LINGO2: variants seen among roughly 807,000 people sequenced by gnomAD.
LINGO2 encodes the protein leucine-rich repeat and immunoglobulin-like domain-containing nogo receptor-interacting protein 2.
A neutral mutation model predicts 30.6 loss-of-function variants in LINGO2; 14 were observed. The observed-to-expected ratio is 0.46, with a 90% CI of 0.30 to 0.72. The LOEUF is 0.72. LINGO2 is among the 30% of genes least tolerant of loss of function. LINGO2 has a pLI of 0.07. For synonymous variants in LINGO2, 317 were observed against 288.5 expected (o/e 1.10, Z -1.00); for missense variants, 729 against 751.7 (o/e 0.97, Z 0.35).
the LINGO2 span, among the ~76,000 whole-genome samples, chr9:29,167,565 T>C: frequency 1.3e-5 from 2 of 152,142 alleles, no homozygotes; most frequent in African/African-American, 4.8e-5. Context: ...AGAGAGACTA[T>C]ACACAAAACC....
At chr9:28,032,037 G>C (rs1317372375) in intron 4 of LINGO2, among the ~76,000 whole-genome samples, 3 of 142,092 alleles carry the variant, frequency 2.1e-5, no homozygotes, top group Non-Finnish European at 4.6e-5. Flanking sequence ...CTCAAAATGA[G>C]GGGTGGGGGG....
At chr9:28,650,756 A>T (rs1314867406) in intron 1 of LINGO2, among the ~76,000 whole-genome samples, 1 of 152,220 alleles carries the variant, frequency 6.6e-6, no homozygotes, top group Non-Finnish European at 1.5e-5. Flanking sequence ...TATATGTTTT[A>T]TAAATAGGAC....
chr9:28,997,796 C>A, the LINGO2 span, among the ~76,000 whole-genome samples: 5 of 151,602 alleles, frequency 3.3e-5, no homozygotes, highest in African/African-American at 1.2e-4. Flanking sequence ...GCACTCCAGC[C>A]TGGGCAACAG....
the LINGO2 span, among the ~76,000 whole-genome samples, chr9:28,703,945 T>G: frequency 6.6e-6 from 1 of 151,996 alleles, no homozygotes; most frequent in Non-Finnish European, 1.5e-5. Context: ...TTTGATAATT[T>G]TTGGATACAT....
chr9:29,080,141 AG>A, the LINGO2 span, among the ~76,000 whole-genome samples: 1 of 152,100 alleles, frequency 6.6e-6, no homozygotes, highest in African/African-American at 2.4e-5. Context: ...TGGTCTACTC[AG>A]GGATTCAACT....
At chr9:28,249,726 C>A (rs541924283) in intron 4 of LINGO2, among the ~76,000 whole-genome samples, 1 of 152,244 alleles carries the variant, frequency 6.6e-6, no homozygotes, top group South Asian at 2.1e-4. Flanking sequence ...TTTTTACTTA[C>A]TGTTCTCATT....
At chr9:28,557,663 C>G (rs373611699) in intron 1 of LINGO2, among the ~76,000 whole-genome samples, 1 of 151,486 alleles carries the variant, frequency 6.6e-6, no homozygotes, top group Non-Finnish European at 1.5e-5. Flanking sequence ...ACCCAAAGGA[C>G]TATAAATCAT....
intron 2 of LINGO2, among the ~76,000 whole-genome samples, chr9:28,433,730 GA>G (rs1280381002): frequency 6.6e-6 from 1 of 151,898 alleles, no homozygotes; most frequent in African/African-American, 2.4e-5. Flanking sequence ...ATTCCTTAAA[GA>G]GCTGAAAGTG....
At chr9:29,100,607 C>G in the LINGO2 span, among the ~76,000 whole-genome samples, 35,588 of 150,072 alleles carry the variant, frequency 0.24, 4,304 homozygotes, top group East Asian at 0.4. Flanking sequence ...AAAAAAAAAG[C>G]TACAAAAAAT....
chr9:27,949,475 A>G (rs1047911784), exon 6 of LINGO2: 3 of 1,613,998 alleles, frequency 1.9e-6, no homozygotes, highest in African/African-American at 2.7e-5. Context: ...AAGAAAGGGC[A>G]GTGCTATGGA....
At chr9:28,598,476 T>TG (rs34469528) in intron 1 of LINGO2, among the ~76,000 whole-genome samples, 59,428 of 149,512 alleles carry the variant, frequency 0.4, 12,519 homozygotes, top group African/African-American at 0.53. Flanking sequence ...AATAATGATC[T>TG]GCTTATTTTA....
chr9:28,104,491 A>C (rs896580), intron 4 of LINGO2, among the ~76,000 whole-genome samples: 151,717 of 151,964 alleles, frequency 1, 75,737 homozygotes, highest in Middle Eastern at 1. Context: ...GCGCAAACCT[A>C]ATTCTCATTC....
At chr9:27,950,092 T>C (rs1197531807) in exon 6 of LINGO2, 3 of 1,613,958 alleles carry the variant, frequency 1.9e-6, no homozygotes, top group Middle Eastern at 1.6e-4. Context: ...AGGGCTTCTG[T>C]TGGTACTGCT....
chr9:29,206,334 T>C, the LINGO2 span, among the ~76,000 whole-genome samples: 1 of 152,172 alleles, frequency 6.6e-6, no homozygotes, highest in Non-Finnish European at 1.5e-5. Context: ...TTAAATTGCA[T>C]GTTAGATGAG....
intron 4 of LINGO2, among the ~76,000 whole-genome samples, chr9:28,219,738 G>A (rs1397848679): frequency 2.0e-5 from 3 of 152,136 alleles, no homozygotes; most frequent in Non-Finnish European, 2.9e-5. Context: ...TACAAAGTAT[G>A]TTCTATTGAA....
intron 1 of LINGO2, among the ~76,000 whole-genome samples, chr9:28,574,580 C>T (rs1823862916): frequency 6.6e-6 from 1 of 152,142 alleles, no homozygotes; most frequent in African/African-American, 2.4e-5. Context: ...TGAAAGAGCA[C>T]ATTTCCGGGA....
chr9:28,406,804 T>C (rs1230242540), intron 2 of LINGO2, among the ~76,000 whole-genome samples: 1 of 152,130 alleles, frequency 6.6e-6, no homozygotes, highest in East Asian at 1.9e-4. Context: ...TTTATAAAGG[T>C]ACTGTGAAAA....
At chr9:28,286,841 G>C (rs1256951699) in intron 4 of LINGO2, among the ~76,000 whole-genome samples, 2 of 152,046 alleles carry the variant, frequency 1.3e-5, no homozygotes, top group African/African-American at 4.8e-5. Flanking sequence ...GAGAGGATCA[G>C]GAAAAACAAC....
chr9:29,090,012 A>G, the LINGO2 span, among the ~76,000 whole-genome samples: 1 of 152,052 alleles, frequency 6.6e-6, no homozygotes, highest in African/African-American at 2.4e-5. Context: ...ATACTGAAAC[A>G]AAACAGAAAA....
Sources: gnomAD v4.1 joint callset for allele counts (sites outside exome capture counted in the v4.1 genomes callset) on GRCh38, gnomAD v4.1.1 for gene constraint, MANE v1.5 for transcripts, NCBI Gene and HGNC (gene_info 2026-07-23, HGNC 2026-07-21) for gene names.